The following MYO1E variants were observed in gnomAD, a reference collection of about 807,000 sequenced individuals.
The protein encoded by MYO1E is myosin IE, also known as unconventional myosin-Ie.
Under a neutral mutation model 151.1 loss-of-function variants are expected in MYO1E, and 68 were observed. The ratio of observed to expected loss-of-function variants is 0.45; its 90% CI spans 0.37 to 0.55. The LOEUF is 0.55. Among genes scored for constraint, MYO1E ranks in the 20% least tolerant of loss-of-function variants. The pLI is 0.00. For missense variants in MYO1E, 1,363 were observed against 1,389.3 expected (o/e 0.98, Z 0.30); for synonymous variants, 601 against 501.7 (o/e 1.20, Z -2.64).
At chr15:59,231,441 A>G (rs1323191859) in intron 6 of MYO1E, among the ~76,000 whole-genome samples, 1 of 152,256 alleles carries the variant, frequency 6.6e-6, no homozygotes, top group African/African-American at 2.4e-5. Context: ...CAAAGCTGCC[A>G]CTTTCATCAT....
chr15:59,210,997 C>T (rs2079875275), intron 12 of MYO1E, among the ~76,000 whole-genome samples: 1 of 151,958 alleles, frequency 6.6e-6, no homozygotes, highest in Non-Finnish European at 1.5e-5. Flanking sequence ...GTCAGGAGTT[C>T]GAGACCATCG....
At chr15:59,225,770 C>G (rs1206985162) in intron 7 of MYO1E, among the ~76,000 whole-genome samples, 1 of 152,184 alleles carries the variant, frequency 6.6e-6, no homozygotes. Flanking sequence ...CCTCAGCCTC[C>G]TGAGTAGCTG....
chr15:59,341,355 T>G (rs2080764651), intron 1 of MYO1E: 1 of 152,202 alleles, frequency 6.6e-6, no homozygotes, highest in Non-Finnish European at 1.5e-5. Flanking sequence ...ACATCCTTGC[T>G]CAGGAGCCAT....
intron 1 of MYO1E, among the ~76,000 whole-genome samples, chr15:59,314,326 G>C (rs1297977245): frequency 1.3e-5 from 2 of 152,196 alleles, no homozygotes; most frequent in African/African-American, 2.4e-5. Context: ...AAGAACTTCT[G>C]GGAAGTGAAG....
chr15:59,366,555 C>T (rs1296822998), intron 1 of MYO1E, among the ~76,000 whole-genome samples: 1 of 152,106 alleles, frequency 6.6e-6, no homozygotes, highest in African/African-American at 2.4e-5. Flanking sequence ...GTGCTTTGAA[C>T]AACGGCAATG....
intron 1 of MYO1E, among the ~76,000 whole-genome samples, chr15:59,274,582 A>C (rs1460808631): frequency 6.6e-6 from 1 of 152,218 alleles, no homozygotes; most frequent in Non-Finnish European, 1.5e-5. Flanking sequence ...AGTTGAATAA[A>C]ACACAAGGGC....
At chr15:59,353,247 CTTGGGAGGCT>C (rs1285304861) in intron 1 of MYO1E, among the ~76,000 whole-genome samples, 4 of 150,646 alleles carry the variant, frequency 2.7e-5, no homozygotes, top group Admixed American at 6.6e-5. Context: ...GTCCCAGCTA[CTTGGGAGGCT>C]GAGGTAAGAG....
chr15:59,366,597 C>T (rs1268951168), intron 1 of MYO1E, among the ~76,000 whole-genome samples: 10 of 152,116 alleles, frequency 6.6e-5, no homozygotes, highest in Non-Finnish European at 7.3e-5. Flanking sequence ...CTCAGAAGGG[C>T]GGGCCAACTT....
At chr15:59,371,858 C>T (rs1456912272) in intron 1 of MYO1E, among the ~76,000 whole-genome samples, 8 of 151,596 alleles carry the variant, frequency 5.3e-5, no homozygotes, top group Admixed American at 5.3e-4. Flanking sequence ...CCGAGTCTCC[C>T]TGGCTCTTGA....
chr15:59,206,911 T>C, intron 14 of MYO1E: 1 of 1,587,854 alleles, frequency 6.3e-7, no homozygotes, highest in Non-Finnish European at 8.6e-7. Context: ...TTTTTTCCAT[T>C]CTCTCTCTCC....
At chr15:59,284,460 ATTTTT>A (rs1371718514) in intron 1 of MYO1E, among the ~76,000 whole-genome samples, 1 of 151,430 alleles carries the variant, frequency 6.6e-6, no homozygotes, top group Non-Finnish European at 1.5e-5. Context: ...TTTTATTTTT[ATTTTT>A]TTGAGACAGG....
At chr15:59,169,926 G>A (rs2079582443) in intron 22 of MYO1E, among the ~76,000 whole-genome samples, 1 of 152,182 alleles carries the variant, frequency 6.6e-6, no homozygotes, top group African/African-American at 2.4e-5. Flanking sequence ...TTGGGAGGCT[G>A]AGATGAGTGG....
intron 26 of MYO1E, among the ~76,000 whole-genome samples, chr15:59,145,764 A>G (rs1236339271): frequency 6.6e-6 from 1 of 152,228 alleles, no homozygotes; most frequent in African/African-American, 2.4e-5. Flanking sequence ...AATACTATAC[A>G]ATGGTGAGAC....
At chr15:59,161,912 C>G (rs2079540143) in intron 23 of MYO1E, among the ~76,000 whole-genome samples, 1 of 152,182 alleles carries the variant, frequency 6.6e-6, no homozygotes, top group Non-Finnish European at 1.5e-5. Context: ...TTTTAAGTAG[C>G]TGCCTATTAT....
At chr15:59,351,644 C>T (rs1375538269) in intron 1 of MYO1E, among the ~76,000 whole-genome samples, 4 of 152,066 alleles carry the variant, frequency 2.6e-5, no homozygotes, top group African/African-American at 2.4e-5. Flanking sequence ...ACTTAAGAAA[C>T]GCTTATAATG....
At chr15:59,296,315 G>A (rs1343606965) in intron 1 of MYO1E, among the ~76,000 whole-genome samples, 2 of 152,192 alleles carry the variant, frequency 1.3e-5, no homozygotes, top group Non-Finnish European at 2.9e-5. Context: ...CAAACACAGC[G>A]TTCACAGGCT....
intron 1 of MYO1E, among the ~76,000 whole-genome samples, chr15:59,283,950 C>T (rs1300478282): frequency 1.3e-5 from 2 of 152,054 alleles, no homozygotes; most frequent in East Asian, 3.9e-4. Flanking sequence ...TTGTATTATC[C>T]TTTTTTTTAC....
At chr15:59,346,198 C>A (rs148087779) in intron 1 of MYO1E, among the ~76,000 whole-genome samples, 2 of 152,036 alleles carry the variant, frequency 1.3e-5, no homozygotes, top group Non-Finnish European at 2.9e-5. Flanking sequence ...CTCAGGATGA[C>A]GAGGTGCATC....
At chr15:59,337,660 G>A (rs534188716) in intron 1 of MYO1E, among the ~76,000 whole-genome samples, 4 of 152,100 alleles carry the variant, frequency 2.6e-5, no homozygotes, top group Non-Finnish European at 2.9e-5. Context: ...GAGAAACCCC[G>A]TCTCTACTAA....
Sources: allele counts gnomAD v4.1 joint callset (sites outside exome capture counted in the v4.1 genomes callset), GRCh38; gene constraint gnomAD v4.1.1; transcripts MANE v1.5; gene names NCBI Gene and HGNC (gene_info 2026-07-23, HGNC 2026-07-21).